KLF5: variants seen among roughly 807,000 people sequenced by gnomAD.
KLF5 encodes the protein Krueppel-like factor 5.
A neutral mutation model predicts 36.9 loss-of-function variants in KLF5; 9 were observed. The ratio of observed to expected loss-of-function variants is 0.24; its 90% confidence interval spans 0.15 to 0.43. KLF5 has a LOEUF of 0.43. KLF5 is among the 20% of genes least tolerant of loss of function. The pLI is 1.00. For synonymous variants in KLF5, 246 were observed against 241.7 expected, an observed-to-expected ratio of 1.02 and a Z score of -0.17; for missense variants, 524 against 599.5, an observed-to-expected ratio of 0.87 and a Z score of 1.31.
At position 73,065,999 on chromosome 13, in the gene KLF5, C is replaced by T. The variant is rs183773854; in HGVS notation, c.1195+2116C>T. On this transcript the variant is annotated intron_variant, in intron 3 of 3. Coordinates refer to ENST00000377687, the MANE Select transcript of KLF5 (RefSeq NM_001730.5). ...AATAAAAACAGACTGAAAAGAAGAC[C>T]GAGACCTGGTTTGGGTCCCTTGCAT... Among the ~76,000 whole-genome samples, 47 of 152,274 alleles carry T rather than the reference C, an allele frequency of 3.1e-4. No individual in the cohort carries two copies. The East Asian group carries it at 8.3e-3, about 27-fold the overall frequency.
intron 1 of KLF5, 196 bp downstream of exon 1, chr13:73,059,784 GGC>G (rs1446323338): frequency 1.5e-6 from 1 of 655,606 alleles, no homozygotes; most frequent in East Asian, 1.3e-4. Context: ...TGGGGGGGGG[GGC>G]CGGGGGTGGG....
At chr13:73,073,290 G>C (rs180694225) in intron 3 of KLF5, among the ~76,000 whole-genome samples, 2 of 151,016 alleles carry the variant, frequency 1.3e-5, no homozygotes, top group African/African-American at 2.5e-5. Flanking sequence ...TGCCCCAAGT[G>C]GGGGGATAGT....
rs903366086 is a variant in KLF5, at chr13:73,062,046, C to A, written c.447C>A (p.Gly149=). 6.2e-7 allele frequency: 1 copy of A among 1,614,018 alleles called. No individual in the cohort carries two copies. Among genetic ancestry groups the A allele is most frequent in the East Asian group, 2.2e-5 (1 of 44,886 alleles). ...FLPDITHLRT[G]LYKSQRPCVT... ...CTGACATCACTCACCTGAGAACTGG[C>A]CTCTACAAATCCCAGAGACCGTGCG... Residue 149 remains glycine, a synonymous_variant, in exon 2 of 4, where the codon GGC becomes GGA. Transcript: ENST00000377687.
At chr13:73,071,569 TA>T (rs1301280331) in intron 3 of KLF5, among the ~76,000 whole-genome samples, 1 of 152,234 alleles carries the variant, frequency 6.6e-6, no homozygotes, top group Non-Finnish European at 1.5e-5. Context: ...CTTAGATATC[TA>T]AATCATTTTC....
At chr13:73,057,244 T>C (rs1380076322), upstream of KLF5, among the ~76,000 whole-genome samples, 1 of 152,196 alleles carries the variant, frequency 6.6e-6, no homozygotes, top group Non-Finnish European at 1.5e-5. Context: ...ATTAAGTAAC[T>C]AAAAATCTTT....
At chr13:73,058,973 G>A (rs2044604705), upstream of KLF5, 1 of 180,056 alleles carries the variant, frequency 5.6e-6, no homozygotes, top group South Asian at 1.9e-4. Context: ...CCCCGGAGTT[G>A]GGTGAAATAG....
chr13:73,056,886 A>C (rs1028058615), upstream of KLF5, among the ~76,000 whole-genome samples: 1 of 152,210 alleles, frequency 6.6e-6, no homozygotes, highest in African/African-American at 2.4e-5. Flanking sequence ...GAAAAGTGGA[A>C]ATATGAAAAA....
chr13:73,068,391 A>G (rs1032472045), intron 3 of KLF5, among the ~76,000 whole-genome samples: 3 of 152,152 alleles, frequency 2.0e-5, no homozygotes, highest in Non-Finnish European at 4.4e-5. Context: ...TTTGGGTACT[A>G]AAAGATCCTT....
chr13:73,065,708 T>G (rs1028272270), intron 3 of KLF5, among the ~76,000 whole-genome samples: 34 of 152,164 alleles, frequency 2.2e-4, no homozygotes, highest in Non-Finnish European at 3.8e-4. Flanking sequence ...ATAAAGACAT[T>G]TGAACTATTG....
intron 3 of KLF5, chr13:73,074,993 C>T (rs2044749349): frequency 6.6e-6 from 1 of 150,746 alleles, no homozygotes; most frequent in African/African-American, 2.4e-5. Context: ...ACAGTTGTTT[C>T]ATGGTCTTTT....
chr13:73,068,370 T>C (rs2139112375), intron 3 of KLF5, among the ~76,000 whole-genome samples: 1 of 152,324 alleles, frequency 6.6e-6, no homozygotes, highest in South Asian at 2.1e-4. Context: ...GCTGAATATA[T>C]TGACTTTCAG....
At chr13:73,060,157 T>TTA (rs1227585399) in intron 1 of KLF5, among the ~76,000 whole-genome samples, 1 of 116,680 alleles carries the variant, frequency 8.6e-6, no homozygotes, top group African/African-American at 3.3e-5. Context: ...TATTTTTCCT[T>TTA]AAAAAAAAAA....
intron 1 of KLF5, 199 bp downstream of exon 1, chr13:73,059,787 C>CG (rs2044618507): frequency 3.1e-6 from 1 of 326,656 alleles, no homozygotes; most frequent in Non-Finnish European, 3.7e-6. Flanking sequence ...GGGGGGGGGC[C>CG]GGGGGTGGGA....
chr13:73,056,144 C>T (rs936409748), upstream of KLF5, among the ~76,000 whole-genome samples: 20 of 151,954 alleles, frequency 1.3e-4, no homozygotes, highest in African/African-American at 4.6e-4. Context: ...CGTATTTATT[C>T]CCGTAAAGAT....
At chr13:73,074,204 A>G (rs1449950609) in intron 3 of KLF5, among the ~76,000 whole-genome samples, 2 of 152,184 alleles carry the variant, frequency 1.3e-5, no homozygotes, top group Non-Finnish European at 2.9e-5. Context: ...AAAATATATT[A>G]ACCACAAATT....
chr13:73,062,348 A>C lies in KLF5; in HGVS notation c.749A>C (p.Asp250Ala), dbSNP rs754874654. 3 of 1,614,202 alleles carry C rather than the reference A, an allele frequency of 1.9e-6. No homozygotes were observed. The South Asian group carries it at 3.3e-5, about 18-fold the overall frequency. Residue 250 changes from aspartate to alanine, a missense_variant, in exon 2 of 4, where the codon GAC becomes GCC. Asp to Ala is a moderately radical substitution (Grantham distance 126). This residue lies in a region of KLF5 where 454 missense variants were observed against 458.1 expected (regional missense o/e 0.99). Coordinates refer to ENST00000377687, the MANE Select transcript of KLF5 (RefSeq NM_001730.5). Reference protein sequence around the residue: ...PSSTNQTAAMDTLNVSMSAAM... With the variant: ...PSSTNQTAAMATLNVSMSAAM... ...TCTACAAATCAGACAGCAGCAATGG[A>C]CACTCTTAATGTTTCTATGTCAGCT...
At chr13:73,065,332 A>G (rs2044671259) in intron 3 of KLF5, among the ~76,000 whole-genome samples, 1 of 152,260 alleles carries the variant, frequency 6.6e-6, no homozygotes, top group Non-Finnish European at 1.5e-5. Context: ...GACATTTTGT[A>G]TGCATGTTAG....
intron 3 of KLF5, 89 bp from the exon 4 acceptor site, chr13:73,075,616 ATTT>A (rs896871662): frequency 6.3e-6 from 7 of 1,103,460 alleles, no homozygotes; most frequent in Non-Finnish European, 8.9e-6. Context: ...CTTGGCCAAG[ATTT>A]TTTTTTTCTT....
intron 3 of KLF5, among the ~76,000 whole-genome samples, chr13:73,070,611 C>T (rs1052212025): frequency 4.6e-5 from 7 of 152,212 alleles, no homozygotes; most frequent in Non-Finnish European, 8.8e-5. Context: ...CCCCTGACAT[C>T]GTGATCCCAC....
Sources: gnomAD v4.1 joint callset for allele counts (sites outside exome capture counted in the v4.1 genomes callset) on GRCh38, gnomAD v4.1.1 for gene constraint, gnomAD v4.1.1 regional missense constraint, MANE v1.5 for transcripts, NCBI Gene and HGNC (gene_info 2026-07-23, HGNC 2026-07-21) for gene names.